Variants in MATN2 observed in about 807,000 individuals in gnomAD.
MATN2 encodes matrilin-2.
A neutral mutation model predicts 103.2 loss-of-function variants in MATN2; 69 were observed. That is an observed-to-expected ratio of 0.67 (90% CI 0.55 to 0.82). MATN2 has a LOEUF of 0.82. Among genes scored for constraint, MATN2 ranks in the 40% least tolerant of loss-of-function variants. The pLI, the probability that MATN2 is intolerant of heterozygous loss-of-function variation, is 0.00. For missense variants in MATN2, 1,023 were observed against 1,211.5 expected (o/e 0.84, Z 2.31); for synonymous variants, 429 against 450.2 (o/e 0.95, Z 0.60).
intron 1 of MATN2, among the ~76,000 whole-genome samples, chr8:97,884,252 T>C (rs1818351886): frequency 6.6e-6 from 1 of 151,830 alleles, no homozygotes. Flanking sequence ...TAAATTCTCC[T>C]GCCTCAGCCT....
intron 5 of MATN2, among the ~76,000 whole-genome samples, chr8:97,975,173 G>C (rs891221739): frequency 6.6e-6 from 1 of 152,232 alleles, no homozygotes; most frequent in Non-Finnish European, 1.5e-5. Context: ...ACTGCCTTGA[G>C]TGTGTAGCAT....
At chr8:97,904,690 T>C (rs1254224852) in intron 2 of MATN2, among the ~76,000 whole-genome samples, 2 of 152,144 alleles carry the variant, frequency 1.3e-5, no homozygotes, top group African/African-American at 4.8e-5. Context: ...TCTCAATTTG[T>C]AGATAAGGAA....
intron 7 of MATN2, among the ~76,000 whole-genome samples, chr8:98,000,081 A>G (rs929666809): frequency 6.6e-6 from 1 of 151,120 alleles, no homozygotes; most frequent in Non-Finnish European, 1.5e-5. Flanking sequence ...GGCTTTCACC[A>G]TGTTGGCCAG....
At chr8:97,911,389 A>G (rs2130071136) in intron 2 of MATN2, among the ~76,000 whole-genome samples, 1 of 152,284 alleles carries the variant, frequency 6.6e-6, no homozygotes, top group South Asian at 2.1e-4. Flanking sequence ...CTAGAGATAG[A>G]AAATTCCATA....
intron 1 of MATN2, among the ~76,000 whole-genome samples, chr8:97,879,197 A>G (rs1818173367): frequency 6.6e-6 from 1 of 152,192 alleles, no homozygotes; most frequent in South Asian, 2.1e-4. Flanking sequence ...TTACAGCATG[A>G]GTGACATGTG....
intron 1 of MATN2, among the ~76,000 whole-genome samples, chr8:97,881,302 C>G (rs1307918986): frequency 6.6e-6 from 1 of 152,210 alleles, no homozygotes; most frequent in Admixed American, 6.5e-5. Context: ...AGAGTTGTTA[C>G]CTAGGTGAGG....
chr8:98,027,281 A>C, intron 13 of MATN2, 135 bp from the exon 14 acceptor site: 1 of 664,862 alleles, frequency 1.5e-6, no homozygotes, highest in East Asian at 2.6e-5. Flanking sequence ...CAACTCATCT[A>C]TCCTGTGTAT....
Position 98,016,602 on chromosome 8 carries a change from T to C in MATN2, c.1636T>C (p.Ser546Pro), listed in dbSNP as rs1813366560. 1.9e-6 allele frequency: 3 copies of C among 1,612,210 alleles called. No homozygotes were observed. In the African/African-American group the frequency reaches 4.0e-5, roughly 21 times the overall value. ...ACATTCGTGTGTAAGCAGTGAAGAT[T>C]CGTTTGTGTGCCAGTGCTTTGAAGG... ...CEHSCVSSED[S>P]FVCQCFEGYI... The change falls in exon 11 of 19, where the codon TCG becomes CCG. Residue 546 changes from serine (S) to proline (P), a missense_variant. Physicochemically the swap from Ser to Pro is moderately conservative, Grantham distance 74 (BLOSUM62 -1). Transcript: ENST00000254898.
chr8:98,010,830 C>T (rs1813135881), intron 10 of MATN2, among the ~76,000 whole-genome samples: 1 of 152,190 alleles, frequency 6.6e-6, no homozygotes, highest in South Asian at 2.1e-4. Context: ...TGGTGATACT[C>T]CCAGTCCAAC....
At chr8:97,923,745 C>T (rs552170965) in intron 2 of MATN2, among the ~76,000 whole-genome samples, 87 of 152,228 alleles carry the variant, frequency 5.7e-4, no homozygotes, top group African/African-American at 1.9e-3. Flanking sequence ...TTAGTAGAGA[C>T]GGGGTTTCAC....
intron 5 of MATN2, among the ~76,000 whole-genome samples, chr8:97,967,329 A>T (rs1308519858): frequency 6.6e-6 from 1 of 152,118 alleles, no homozygotes; most frequent in Non-Finnish European, 1.5e-5. Flanking sequence ...TGCCTTTGCA[A>T]TAGTTCCCCA....
At chr8:97,983,898 A>G (rs1486553888) in intron 6 of MATN2, among the ~76,000 whole-genome samples, 1 of 152,210 alleles carries the variant, frequency 6.6e-6, no homozygotes, top group African/African-American at 2.4e-5. Flanking sequence ...TGATTCTCCC[A>G]GCTTGGCCTC....
chr8:97,958,238 C>T (rs945556222), intron 4 of MATN2, among the ~76,000 whole-genome samples: 1 of 152,198 alleles, frequency 6.6e-6, no homozygotes, highest in Non-Finnish European at 1.5e-5. Flanking sequence ...TACTTGGTAA[C>T]CATGGTAGGT....
intron 2 of MATN2, among the ~76,000 whole-genome samples, chr8:97,922,442 C>T (rs1392100259): frequency 2.0e-5 from 3 of 152,168 alleles, no homozygotes; most frequent in Admixed American, 6.5e-5. Flanking sequence ...TATAGTCAGA[C>T]GGTGTCTCAT....
At chr8:97,939,783 C>T (rs915680978) in intron 3 of MATN2, among the ~76,000 whole-genome samples, 5 of 152,180 alleles carry the variant, frequency 3.3e-5, no homozygotes, top group Admixed American at 2.6e-4. Context: ...GGCAAATTCA[C>T]AAATATGGAA....
Position 97,922,049 on chromosome 8 carries a change from A to G in MATN2, c.143-8904A>G, listed in dbSNP as rs117184996. ...TGCATGCAAGGGATCTAGGTTGCAC[A>G]CTCCTTATGAAAATCTAACTAATGC... is the stretch of plus-strand genomic sequence containing the variant. On this transcript the variant is annotated intron_variant, in intron 2 of 18. Transcript: ENST00000254898. Among the ~76,000 whole-genome samples the G allele has an allele frequency of 1.1e-3, 162 of 152,158 alleles. 1 individual carries two copies. In the East Asian group the frequency reaches 0.021, roughly 20 times the overall value.
chr8:97,902,974 G>A (rs1819040062), intron 2 of MATN2, among the ~76,000 whole-genome samples: 1 of 152,178 alleles, frequency 6.6e-6, no homozygotes, highest in Non-Finnish European at 1.5e-5. Flanking sequence ...AGTTGTCTAG[G>A]AACGTCAGTA....
intron 1 of MATN2, among the ~76,000 whole-genome samples, chr8:97,884,782 C>A (rs544242575): frequency 6.6e-6 from 1 of 152,110 alleles, no homozygotes; most frequent in African/African-American, 2.4e-5. Flanking sequence ...ATAACAACAA[C>A]AACAACAACA....
chr8:97,999,579 G>A (rs1256949018), intron 7 of MATN2, among the ~76,000 whole-genome samples: 1 of 152,162 alleles, frequency 6.6e-6, no homozygotes, highest in Non-Finnish European at 1.5e-5. Context: ...CTTGTTTCCT[G>A]GCACTCAGTT....
Sources: gnomAD v4.1 joint callset for allele counts (sites outside exome capture counted in the v4.1 genomes callset) on GRCh38, gnomAD v4.1.1 for gene constraint, MANE v1.5 for transcripts, NCBI Gene and HGNC (gene_info 2026-07-23, HGNC 2026-07-21) for gene names.